CPA6: variants seen among roughly 807,000 people sequenced by gnomAD.
CPA6 encodes carboxypeptidase B.
In CPA6, 58 loss-of-function variants were observed where a neutral mutation model predicts 63.3. The observed-to-expected ratio is 0.92, with a 90% CI of 0.74 to 1.14. CPA6 has a LOEUF of 1.14. CPA6 is among the 50% of genes most tolerant of loss of function. CPA6 has a pLI of 0.00. For synonymous variants in CPA6, 185 were observed against 179.0 expected, an observed-to-expected ratio of 1.03 and a Z score of -0.27; for missense variants, 565 against 526.6, an observed-to-expected ratio of 1.07 and a Z score of -0.71.
intron 1 of CPA6, among the ~76,000 whole-genome samples, chr8:67,738,104 A>G (rs970651536): frequency 1.3e-5 from 2 of 152,206 alleles, no homozygotes; most frequent in Admixed American, 1.3e-4. Context: ...TCAAAAAAAA[A>G]CAAGTGAAAG....
chr8:67,628,212 TA>T (rs879881793), intron 1 of CPA6, among the ~76,000 whole-genome samples: 228 of 143,350 alleles, frequency 1.6e-3, no homozygotes, highest in Middle Eastern at 3.6e-3. Flanking sequence ...GACTCCATCT[TA>T]AAAAAAAAAA....
chr8:67,582,780 A>T (rs1297652843), intron 2 of CPA6, among the ~76,000 whole-genome samples: 3 of 152,166 alleles, frequency 2.0e-5, no homozygotes, highest in Non-Finnish European at 2.9e-5. Context: ...GAATAATGGC[A>T]TATACTGCAT....
chr8:67,526,321 C>G (rs1365121658), intron 2 of CPA6, among the ~76,000 whole-genome samples: 2 of 152,120 alleles, frequency 1.3e-5, no homozygotes, highest in Non-Finnish European at 2.9e-5. Flanking sequence ...TGACATTAGC[C>G]AGAAAAGGGA....
intron 8 of CPA6, among the ~76,000 whole-genome samples, chr8:67,480,007 C>T (rs1309635599): frequency 6.6e-6 from 1 of 150,702 alleles, no homozygotes; most frequent in Non-Finnish European, 1.5e-5. Context: ...GGGTGGTGGT[C>T]GGAAAAGGGC....
intron 1 of CPA6, among the ~76,000 whole-genome samples, chr8:67,654,683 C>G (rs1275374403): frequency 1.3e-5 from 2 of 152,084 alleles, no homozygotes; most frequent in Non-Finnish European, 1.5e-5. Flanking sequence ...TTTAGGGCAA[C>G]CGATGAAGAG....
intron 2 of CPA6, among the ~76,000 whole-genome samples, chr8:67,572,526 G>A (rs895258332): frequency 1.3e-5 from 2 of 152,154 alleles, no homozygotes; most frequent in African/African-American, 4.8e-5. Flanking sequence ...CCTCTCTAGA[G>A]GTCAGGGCCA....
chr8:67,606,335 T>TATA (rs201805120), intron 2 of CPA6, among the ~76,000 whole-genome samples: 1 of 151,868 alleles, frequency 6.6e-6, no homozygotes, highest in Admixed American at 6.6e-5. Context: ...CCCTAAAAAG[T>TATA]ATAATAATAA....
intron 6 of CPA6, among the ~76,000 whole-genome samples, chr8:67,487,743 C>T (rs568911812): frequency 5.9e-5 from 9 of 152,238 alleles, no homozygotes; most frequent in Middle Eastern, 3.4e-3. Flanking sequence ...TTTTAATGAT[C>T]ACCATTCTAA....
chr8:67,578,922 T>C (rs1813695292), intron 2 of CPA6, among the ~76,000 whole-genome samples: 1 of 152,244 alleles, frequency 6.6e-6, no homozygotes. Flanking sequence ...ATAATCAGCC[T>C]GTAGTTTATC....
intron 1 of CPA6, among the ~76,000 whole-genome samples, chr8:67,643,034 A>G (rs985525989): frequency 9.2e-5 from 14 of 152,198 alleles, no homozygotes; most frequent in African/African-American, 3.4e-4. Context: ...GAGAGGAGAT[A>G]TTTAAAACAT....
chr8:67,607,237 CTTCTTCTT>C (rs1814684667), intron 2 of CPA6, among the ~76,000 whole-genome samples: 3 of 116,806 alleles, frequency 2.6e-5, no homozygotes, highest in Admixed American at 9.4e-5. Context: ...TCTTCTTCTT[CTTCTTCTT>C]CTTCTTCTCC....
chr8:67,690,256 C>T (rs1298614495), intron 1 of CPA6, among the ~76,000 whole-genome samples: 2 of 152,118 alleles, frequency 1.3e-5, no homozygotes, highest in East Asian at 3.8e-4. Context: ...GACTGGTCTG[C>T]ATAGAATTCT....
chr8:67,498,914 G>T (rs148584743), intron 6 of CPA6, among the ~76,000 whole-genome samples: 316 of 152,250 alleles, frequency 2.1e-3, no homozygotes, highest in African/African-American at 7.2e-3. Flanking sequence ...TTTTCCAAGA[G>T]AATTAAATGA....
At chr8:67,548,085 C>T (rs1468115676) in intron 2 of CPA6, among the ~76,000 whole-genome samples, 1 of 149,590 alleles carries the variant, frequency 6.7e-6, no homozygotes, top group African/African-American at 2.5e-5. Context: ...CTTTTCTTTT[C>T]TTTCTCTCTT....
intron 1 of CPA6, among the ~76,000 whole-genome samples, chr8:67,729,017 C>T (rs1817656925): frequency 6.6e-6 from 1 of 152,196 alleles, no homozygotes; most frequent in South Asian, 2.1e-4. Context: ...TAAAGTAGCA[C>T]AGATAGCTAG....
chr8:67,501,236 A>G (rs1247211371), intron 6 of CPA6, among the ~76,000 whole-genome samples: 2 of 151,954 alleles, frequency 1.3e-5, no homozygotes, highest in African/African-American at 4.8e-5. Flanking sequence ...TCTTTATTTC[A>G]CCAGCATTTT....
chr8:67,728,085 A>C (rs1473807530), intron 1 of CPA6, among the ~76,000 whole-genome samples: 2 of 151,118 alleles, frequency 1.3e-5, no homozygotes, highest in Non-Finnish European at 2.9e-5. Flanking sequence ...CTCAAAAAAA[A>C]AAAAAACAAA....
intron 1 of CPA6, among the ~76,000 whole-genome samples, chr8:67,636,980 G>C (rs576140123): frequency 6.6e-6 from 1 of 151,690 alleles, no homozygotes; most frequent in African/African-American, 2.4e-5. Flanking sequence ...CCCTTCTTTG[G>C]TTATGGTTTA....
intron 8 of CPA6, among the ~76,000 whole-genome samples, chr8:67,463,491 G>T (rs1810860647): frequency 6.7e-6 from 1 of 148,298 alleles, no homozygotes. Context: ...AATAAAAGAA[G>T]AATTCTAAAA....
Sources: gnomAD v4.1 joint callset for allele counts (sites outside exome capture counted in the v4.1 genomes callset) on GRCh38, gnomAD v4.1.1 for gene constraint, MANE v1.5 for transcripts, NCBI Gene and HGNC (gene_info 2026-07-23, HGNC 2026-07-21) for gene names.